HS6ST1: variants seen among roughly 807,000 people sequenced by gnomAD.
HS6ST1 encodes the protein heparan sulfate 6-O-sulfotransferase 1, also known as heparan-sulfate 6-O-sulfotransferase 1.
HS6ST1 carries 3 observed loss-of-function variants against 25.2 expected under a neutral mutation model. The observed-to-expected ratio is 0.12, with a 90% CI of 0.05 to 0.31. HS6ST1 has a LOEUF of 0.31. HS6ST1 is among the 10% of genes least tolerant of loss of function. The pLI, the probability that HS6ST1 is intolerant of heterozygous loss-of-function variation, is 1.00. For synonymous variants in HS6ST1, 204 were observed against 275.1 expected, an observed-to-expected ratio of 0.74 and a Z score of 2.56; for missense variants, 310 against 609.6, an observed-to-expected ratio of 0.51 and a Z score of 5.18.
chr2:128,277,826 C>T (rs555973460), intron 1 of HS6ST1, among the ~76,000 whole-genome samples: 66 of 152,380 alleles, frequency 4.3e-4, no homozygotes, highest in African/African-American at 1.6e-3. Flanking sequence ...CTAGTCTGCA[C>T]GAACTGCAGC....
chr2:128,297,884 G>C (rs1490347722), intron 1 of HS6ST1, among the ~76,000 whole-genome samples: 1 of 152,154 alleles, frequency 6.6e-6, no homozygotes. Context: ...TCAAAGGATA[G>C]TATCAACAGA....
chr2:128,298,069 T>C (rs943573664), intron 1 of HS6ST1, among the ~76,000 whole-genome samples: 1 of 135,880 alleles, frequency 7.4e-6, no homozygotes, highest in Non-Finnish European at 1.6e-5. Flanking sequence ...CAAGCAGATA[T>C]AAGATGAACA....
chr2:128,308,051 C>T (rs1283079893), intron 1 of HS6ST1, among the ~76,000 whole-genome samples: 2 of 152,206 alleles, frequency 1.3e-5, no homozygotes, highest in African/African-American at 4.8e-5. Context: ...GAAGGTCAAG[C>T]AGAGTTTGAT....
chr2:128,280,191 A>G (rs996593568), intron 1 of HS6ST1, among the ~76,000 whole-genome samples: 12 of 152,180 alleles, frequency 7.9e-5, no homozygotes, highest in African/African-American at 2.9e-4. Context: ...AGTTTGTTAG[A>G]AAAAGTGGAA....
chr2:128,307,996 A>G (rs1393115985), intron 1 of HS6ST1, among the ~76,000 whole-genome samples: 1 of 152,264 alleles, frequency 6.6e-6, no homozygotes, highest in Non-Finnish European at 1.5e-5. Flanking sequence ...AGGGACCAAC[A>G]GGGATAAATC....
At position 128,318,787 on chromosome 2, in the gene HS6ST1, C is replaced by T. The variant is rs1204907063; in HGVS notation, c.-224G>A. Among the ~76,000 whole-genome samples, 3 of 147,210 alleles carry T rather than the reference C, an allele frequency of 2.0e-5. No individual in the cohort carries two copies. Among genetic ancestry groups the T allele is most frequent in the African/African-American group, 2.4e-5 (1 of 40,948 alleles). ...GCCCGACTCCGCTCCCGCTCGGCCC[C>T]GCTCCCGGCCCCGGCCAGCACAGCG... On this transcript the variant is annotated 5_prime_UTR_variant, in exon 1 of 2. Transcript: ENST00000259241. The surrounding 1 kb of genome is among the most constrained non-coding windows in gnomAD (Gnocchi z 5.7).
chr2:128,282,484 G>T (rs1160800762), intron 1 of HS6ST1, among the ~76,000 whole-genome samples: 1 of 152,328 alleles, frequency 6.6e-6, no homozygotes, highest in African/African-American at 2.4e-5. Context: ...AAAACGCTGC[G>T]GGTGCAGAGC....
chr2:128,290,273 T>G (rs571358840), intron 1 of HS6ST1: 37 of 152,184 alleles, frequency 2.4e-4, no homozygotes. Flanking sequence ...TACCAAATTT[T>G]AAAAGAACCA....
chr2:128,299,165 T>C (rs1188560406), intron 1 of HS6ST1, among the ~76,000 whole-genome samples: 4 of 152,224 alleles, frequency 2.6e-5, no homozygotes, highest in Non-Finnish European at 4.4e-5. Flanking sequence ...GCTTCGCAAG[T>C]GCCTGCCTCC....
In HS6ST1 at chr2:128,278,274, G is replaced by C. The variant is rs78180723; in HGVS notation, c.528-9404C>G. Among the ~76,000 whole-genome samples, 4 of 152,360 alleles carry C rather than the reference G, an allele frequency of 2.6e-5. No individual in the cohort carries two copies. The East Asian group carries it at 7.7e-4, about 29-fold the overall frequency. ...GCTTCATTTTGTCTCCTCTGCCTTC[G>C]AGTGCTGATCTGACCCAAACTCATG... On this transcript the variant is annotated intron_variant, in intron 1 of 1. Coordinates refer to ENST00000259241, the MANE Select transcript of HS6ST1 (RefSeq NM_004807.3).
intron 1 of HS6ST1, among the ~76,000 whole-genome samples, chr2:128,286,948 C>G (rs955809607): frequency 1.3e-5 from 2 of 152,206 alleles, no homozygotes; most frequent in African/African-American, 4.8e-5. Context: ...CTCCTAGGAG[C>G]CTGAGACTCC....
chr2:128,271,894 A>G lies in HS6ST1; in HGVS notation c.528-3024T>C, dbSNP rs189262066. ...GCTCGAGCGGCTGCCACTAGGGCAC[A>G]TAACTGCAAATGCCAGGTCAGCACC... On this transcript the variant is annotated intron_variant, in intron 1 of 1. Transcript: ENST00000259241. Among the ~76,000 whole-genome samples the G allele has an allele frequency of 1.0e-3, 156 of 152,314 alleles. 1 individual carries two copies. The highest frequency in any genetic ancestry group is 3.6e-3 in the African/African-American group (148 of 41,594).
At chr2:128,287,361 G>GC (rs533246016) in intron 1 of HS6ST1, among the ~76,000 whole-genome samples, 129 of 152,248 alleles carry the variant, frequency 8.5e-4, no homozygotes, top group Admixed American at 1.5e-3. Context: ...AGGGACAGCT[G>GC]CCCCCCCTAC....
At chr2:128,314,785 C>T (rs962387118) in intron 1 of HS6ST1, among the ~76,000 whole-genome samples, 20 of 152,310 alleles carry the variant, frequency 1.3e-4, no homozygotes, top group African/African-American at 4.1e-4. Flanking sequence ...TCCCGGGTTC[C>T]CGGCCAAGGT....
chr2:128,314,880 C>T (rs1694338272), intron 1 of HS6ST1, among the ~76,000 whole-genome samples: 1 of 152,358 alleles, frequency 6.6e-6, no homozygotes, highest in Middle Eastern at 3.4e-3. Context: ...TCCAGGGTGG[C>T]CCGGGCAAGA....
chr2:128,298,210 T>C (rs1183207607), intron 1 of HS6ST1, among the ~76,000 whole-genome samples: 1 of 152,144 alleles, frequency 6.6e-6, no homozygotes, highest in Non-Finnish European at 1.5e-5. Context: ...CCTTCTGCAG[T>C]GCTGGTGGGA....
intron 1 of HS6ST1, among the ~76,000 whole-genome samples, chr2:128,288,483 T>C (rs1048457760): frequency 2.6e-5 from 4 of 152,144 alleles, no homozygotes; most frequent in African/African-American, 9.7e-5. Flanking sequence ...GAAGCTCATA[T>C]CTGTGTGCAC....
intron 1 of HS6ST1, among the ~76,000 whole-genome samples, chr2:128,299,160 G>C (rs907959911): frequency 6.6e-6 from 1 of 152,228 alleles, no homozygotes; most frequent in Non-Finnish European, 1.5e-5. Context: ...AGCAGGCTTC[G>C]CAAGTGCCTG....
At chr2:128,296,751 T>C (rs1694044285) in intron 1 of HS6ST1, among the ~76,000 whole-genome samples, 1 of 152,232 alleles carries the variant, frequency 6.6e-6, no homozygotes, top group African/African-American at 2.4e-5. Context: ...CCCATGTCCA[T>C]GAACTGAAAG....
Sources: allele counts gnomAD v4.1 joint callset (sites outside exome capture counted in the v4.1 genomes callset), GRCh38; gene constraint gnomAD v4.1.1; non-coding constraint Gnocchi (gnomAD v3.1); transcripts MANE v1.5; gene names NCBI Gene and HGNC (gene_info 2026-07-23, HGNC 2026-07-21).